Variants in RSRP1 observed in about 807,000 individuals in gnomAD.
RSRP1 encodes arginine and serine rich protein 1.
RSRP1 carries 37 observed loss-of-function variants against 33.0 expected under a neutral mutation model. The observed-to-expected ratio is 1.12, with a 90% CI of 0.86 to 1.48. The LOEUF is 1.48. RSRP1 is among the 40% of genes most tolerant of loss of function. The probability of loss-of-function intolerance (pLI) is 0.00; values close to 1 mark genes in which losing one functional copy is unlikely to be tolerated. For missense variants in RSRP1, 402 were observed against 385.3 expected, an observed-to-expected ratio of 1.04 and a Z score of -0.36; for synonymous variants, 167 against 158.7, an observed-to-expected ratio of 1.05 and a Z score of -0.40.
At chr1:25,262,266 A>G (rs1640181467) in intron 1 of RSRP1, among the ~76,000 whole-genome samples, 1 of 152,172 alleles carries the variant, frequency 6.6e-6, no homozygotes, top group Admixed American at 6.5e-5. Context: ...TAATAATCCA[A>G]CCTGCTTGTA....
At chr1:25,301,011 C>T (rs779719619) in intron 1 of RSRP1, 2 of 1,376,474 alleles carry the variant, frequency 1.5e-6, no homozygotes, top group East Asian at 4.5e-5. Context: ...TGTCTGTGGC[C>T]TGGTGCCTGC....
chr1:25,255,471 C>T (rs1486567716), intron 1 of RSRP1, among the ~76,000 whole-genome samples: 1 of 152,038 alleles, frequency 6.6e-6, no homozygotes, highest in Non-Finnish European at 1.5e-5. Flanking sequence ...GCAATGAAGC[C>T]ATTATTTTTA....
At chr1:25,297,884 C>G (rs1221917187) in intron 1 of RSRP1, among the ~76,000 whole-genome samples, 2 of 131,716 alleles carry the variant, frequency 1.5e-5, no homozygotes, top group Non-Finnish European at 3.6e-5. Context: ...GGAGGTGCTG[C>G]CAGACTCAGG....
chr1:25,307,832 T>C, intron 1 of RSRP1: 1 of 1,301,268 alleles, frequency 7.7e-7, no homozygotes, highest in Non-Finnish European at 1.1e-6. Context: ...ACATCCTTGC[T>C]TGGGATGAGG....
chr1:25,275,619 TATTTTGTATGTTACAATAAATAC>T lies in RSRP1; in HGVS notation c.-66-28613_-66-28591del, dbSNP rs1410286633. Among the ~76,000 whole-genome samples, 6 of 133,096 alleles carry T rather than the reference TATTTTGTATGTTACAATAAATAC, an allele frequency of 4.5e-5. 1 individual carries two copies. The highest frequency in any genetic ancestry group is 1.5e-4 in the African/African-American group (6 of 39,000). The allele number at this position is 133,096 out of a possible 152,430, so 87.3% of individuals were successfully genotyped here. A position where few individuals can be genotyped will look rare whatever the true frequency, so the allele number is the denominator to read the frequency against. ...TACTTTAAGTATTACTACATTAATATATTTTGTATGTTACAATAAATACATACAAATTAGGAAAATTGAAAGAG... is the reference window on the plus strand; with the variant it reads ...TACTTTAAGTATTACTACATTAATATATACAAATTAGGAAAATTGAAAGAG... On this transcript the variant is annotated intron_variant, in intron 1 of 1. Coordinates refer to the RSRP1 transcript ENST00000561867.
In RSRP1 at chr1:25,267,831, T is replaced by C. The variant is rs1406736564; in HGVS notation, c.-66-20802A>G. ...TTCTCACGCCTACTCTCAAATGGCG[T>C]ACTCCAAACTAGCACTCCCGACGTC... On this transcript the variant is annotated intron_variant, in intron 1 of 1. Coordinates refer to the RSRP1 transcript ENST00000561867. The C allele has an allele frequency of 6.1e-5, 8 of 130,876 alleles. 2 individuals are homozygous for C. Among genetic ancestry groups the C allele is most frequent in the Non-Finnish European group, 1.4e-4 (8 of 55,242 alleles). The allele number at this position is 130,876 out of a possible 1,614,324, so 8.1% of individuals were successfully genotyped here. A position where few individuals can be genotyped will look rare whatever the true frequency, so the allele number is the denominator to read the frequency against.
upstream of RSRP1, among the ~76,000 whole-genome samples, chr1:25,251,742 C>T (rs557698520): frequency 6.6e-6 from 1 of 152,106 alleles, no homozygotes; most frequent in African/African-American, 2.4e-5. Flanking sequence ...AAGATGTATA[C>T]AAGCTAACGA....
chr1:25,330,540 A>G (rs1644981656), intron 1 of RSRP1: 2 of 133,188 alleles, frequency 1.5e-5, no homozygotes, highest in African/African-American at 2.6e-5. Flanking sequence ...CTATTTGCAC[A>G]AAAGAGAACC....
chr1:25,307,947 C>A, intron 1 of RSRP1: 1 of 764,218 alleles, frequency 1.3e-6, no homozygotes, highest in South Asian at 1.7e-5. Context: ...TTTCCTGTCT[C>A]TGGGCCTGAG....
intron 1 of RSRP1, among the ~76,000 whole-genome samples, chr1:25,261,500 G>A (rs1488407723): frequency 2.6e-5 from 4 of 151,332 alleles, no homozygotes; most frequent in Non-Finnish European, 4.4e-5. Context: ...CGCCTCCCAG[G>A]TTCACGCCAT....
At chr1:25,268,510 C>T (rs1399045452) in intron 1 of RSRP1, among the ~76,000 whole-genome samples, 1 of 129,852 alleles carries the variant, frequency 7.7e-6, no homozygotes, top group African/African-American at 2.6e-5. Flanking sequence ...CAGAGTACTC[C>T]GTCTAAAAAA....
intron 1 of RSRP1, among the ~76,000 whole-genome samples, chr1:25,312,956 C>A (rs1254789809): frequency 0.049 from 981 of 20,180 alleles, 1 homozygote; most frequent in Non-Finnish European, 0.086. Context: ...AAAAAAAAAA[C>A]TTTAGTGCTA....
At chr1:25,314,516 C>G (rs1557558955) in intron 1 of RSRP1, among the ~76,000 whole-genome samples, 1 of 132,336 alleles carries the variant, frequency 7.6e-6, no homozygotes, top group African/African-American at 2.6e-5. Context: ...CTTTTTGAAA[C>G]AGAGTCTCCT....
rs540151380 is a variant in RSRP1, at chr1:25,275,897, C to A, written c.-66-28868G>T. ...AGGAGAAGTTTCACTCTGCCTTTTC[C>A]CTTTTGTTCACTTGACTGCCATTAT... On this transcript the variant is annotated intron_variant, in intron 1 of 1. Coordinates refer to the RSRP1 transcript ENST00000561867. Among the ~76,000 whole-genome samples, 12 of 132,048 alleles carry A rather than the reference C, an allele frequency of 9.1e-5. 1 individual carries two copies. Among genetic ancestry groups the A allele is most frequent in the African/African-American group, 3.1e-4 (12 of 38,740 alleles). 86.6% of individuals were successfully genotyped at this position (132,048 alleles called of 152,430 possible).
Position 25,271,024 on chromosome 1 carries a change from G to A in RSRP1, c.-66-23995C>T, listed in dbSNP as rs1640488630. Among the ~76,000 whole-genome samples, 2 of 130,162 alleles carry A rather than the reference G, an allele frequency of 1.5e-5. 1 individual carries two copies. The highest frequency in any genetic ancestry group is 3.6e-5 in the Non-Finnish European group (2 of 55,004). The allele number at this position is 130,162 out of a possible 152,430, so 85.4% of individuals were successfully genotyped here. A position where few individuals can be genotyped will look rare whatever the true frequency, so the allele number is the denominator to read the frequency against. ...TTTCACTAAACAGTCTATCCTCTGT[G>A]TCAGTTTTGATAAAAGCGTTTTCCT... On this transcript the variant is annotated intron_variant, in intron 1 of 1. Transcript: ENST00000561867.
At chr1:25,303,184 G>T in intron 1 of RSRP1, 1 of 984,920 alleles carries the variant, frequency 1.0e-6, no homozygotes, top group Non-Finnish European at 1.6e-6. Context: ...CCCCAACACA[G>T]GGGAGAAGTG....
In RSRP1 at chr1:25,315,581, C is replaced by A. The variant is rs1173123175; in HGVS notation, c.-67+22397G>T. ...GCGTGATCTCAGCTCACTGCAAACT[C>A]CACCTCCCAGGTTCACGCCGTTCTC... On this transcript the variant is annotated intron_variant, in intron 1 of 1. Coordinates refer to the RSRP1 transcript ENST00000561867. Among the ~76,000 whole-genome samples the A allele has an allele frequency of 3.2e-5, 4 of 124,362 alleles. 1 individual carries two copies. The highest frequency in any genetic ancestry group is 5.7e-5 in the Non-Finnish European group (3 of 52,988). The allele number at this position is 124,362 out of a possible 152,430, so 81.6% of individuals were successfully genotyped here. A position where few individuals can be genotyped will look rare whatever the true frequency, so the allele number is the denominator to read the frequency against.
intron 1 of RSRP1, among the ~76,000 whole-genome samples, chr1:25,311,519 C>T (rs1299252233): frequency 7.0e-5 from 9 of 128,916 alleles, no homozygotes; most frequent in African/African-American, 2.4e-4. Flanking sequence ...AGCAAAACTC[C>T]GTCTCAAAAA....
chr1:25,303,444 A>T (rs773869716), intron 1 of RSRP1: 1 of 1,376,788 alleles, frequency 7.3e-7, no homozygotes, highest in East Asian at 2.2e-5. Flanking sequence ...CCGTCGGGGG[A>T]GCCAAGTACC....
Sources: allele counts gnomAD v4.1 joint callset (sites outside exome capture counted in the v4.1 genomes callset), GRCh38; gene constraint gnomAD v4.1.1; transcripts MANE v1.5; gene names NCBI Gene and HGNC (gene_info 2026-07-23, HGNC 2026-07-21).